PSRC1: variants seen among roughly 807,000 people sequenced by gnomAD.
The protein encoded by PSRC1 is proline and serine rich coiled-coil 1, also known as proline/serine-rich coiled-coil protein 1.
PSRC1 carries 30 observed loss-of-function variants against 31.9 expected under a neutral mutation model. The ratio of observed to expected loss-of-function variants is 0.94; its 90% CI spans 0.70 to 1.28. The LOEUF is 1.28. PSRC1 is among the 50% of genes most tolerant of loss of function. The probability of loss-of-function intolerance (pLI) is 0.00; values close to 1 mark genes in which losing one functional copy is unlikely to be tolerated. For synonymous variants in PSRC1, 191 were observed against 192.1 expected (o/e 0.99, Z 0.05); for missense variants, 481 against 472.8 (o/e 1.02, Z -0.16).
exon 4 of PSRC1, chr1:109,281,798 G>T (rs141272790): frequency 3.9e-5 from 63 of 1,613,994 alleles, no homozygotes; most frequent in Non-Finnish European, 4.8e-5. Context: ...AAGGTCTCCC[G>T]CCGAGGACTG....
chr1:109,280,060 A>G, exon 7 of PSRC1: 1 of 1,556,352 alleles, frequency 6.4e-7, no homozygotes, highest in Non-Finnish European at 8.9e-7. Context: ...CTGGGCCAGA[A>G]TCTGCTGGAG....
chr1:109,280,772 C>G lies in PSRC1; in HGVS notation c.994+5G>C. The G allele has an allele frequency of 8.3e-6, 13 of 1,558,962 alleles. No individual in the cohort carries two copies. The highest frequency in any genetic ancestry group is 1.1e-5 in the Non-Finnish European group (13 of 1,146,984). ...GGGCGGGCATTCTTCCTCCTGACCTCTTACCCTTGTGTCCACTTTCCCGCA... is the reference window on the plus strand; with the variant it reads ...GGGCGGGCATTCTTCCTCCTGACCTGTTACCCTTGTGTCCACTTTCCCGCA... On this transcript the variant is annotated splice_donor_5th_base_variant and intron_variant, in intron 5 of 6. Coordinates refer to ENST00000409138, the Ensembl canonical transcript of PSRC1.
intron 6 of PSRC1, 73 bp downstream of exon 7, chr1:109,280,323 G>T: frequency 6.9e-7 from 1 of 1,445,906 alleles, no homozygotes; most frequent in Non-Finnish European, 9.6e-7. Context: ...CAGGGCTGAT[G>T]TGCATAACAG....
chr1:109,281,579 ATGTC>A (rs1301748040), intron 4 of PSRC1, 36 bp downstream of exon 4: 3 of 1,531,520 alleles, frequency 2.0e-6, no homozygotes, highest in Admixed American at 1.7e-5. Flanking sequence ...GGCACACACC[ATGTC>A]TGGGGCACAC....
exon 4 of PSRC1, chr1:109,281,923 T>C: frequency 6.2e-7 from 1 of 1,604,622 alleles, no homozygotes; most frequent in Non-Finnish European, 8.5e-7. Context: ...CTCCAGCTTC[T>C]CTGGACTGAG....
At chr1:109,282,987 T>G (rs1034754148) in intron 1 of PSRC1, 76 bp downstream of exon 1, 1 of 541,978 alleles carries the variant, frequency 1.8e-6, no homozygotes, top group Non-Finnish European at 3.3e-6. Flanking sequence ...CCCATCTTCC[T>G]CCCCGCCACT....
Position 109,281,896 on chromosome 1 carries a change from GC to G in PSRC1, c.241del (p.Ala81ProfsTer28). 6.2e-7 allele frequency: 1 copy of G among 1,611,134 alleles called. No homozygotes were observed. The highest frequency in any genetic ancestry group is 8.5e-7 in the Non-Finnish European group (1 of 1,178,180). ...CTCCAGCTGAGCGGCCAGCCGGTTG[GC>G]CTCATCGAGGATCTCCTCCAGCTTC... On this transcript the variant is annotated frameshift_variant, in exon 4 of 7. Transcript: ENST00000409138. LOFTEE classifies it high-confidence loss of function.
In PSRC1 at chr1:109,280,929, G is replaced by A. The variant is rs145365921; in HGVS notation, c.842C>T (p.Ser281Leu). Reference sequence around the variant, plus strand: ...TCGGCTGGCAGGCCTGGGGATGGCCGAGGGAATGGGCAGTTGACTGGAAGA... The same window carrying A: ...TCGGCTGGCAGGCCTGGGGATGGCCAAGGGAATGGGCAGTTGACTGGAAGA... Residue 281 changes from serine to leucine, a missense_variant, in exon 5 of 7, where the codon TCG (serine) becomes TTG (leucine). Transcript: ENST00000409138. The A allele has an allele frequency of 6.3e-5, 102 of 1,613,884 alleles. No homozygotes were observed. Among genetic ancestry groups the A allele is most frequent in the Middle Eastern group, 1.6e-4 (1 of 6,082 alleles).
chr1:109,282,090 C>T, intron 3 of PSRC1, 30 bp from the exon 4 acceptor site: 1 of 1,458,218 alleles, frequency 6.9e-7, no homozygotes, highest in Non-Finnish European at 9.1e-7. Flanking sequence ...AGGCATCATG[C>T]CCATGCAAAA....
chr1:109,282,497 G>A (rs372779094), intron 3 of PSRC1, 21 bp downstream of exon 3: 155 of 1,608,268 alleles, frequency 9.6e-5, no homozygotes, highest in Non-Finnish European at 1.2e-4. Flanking sequence ...AGGAAAATAA[G>A]TGGGATAAAG....
At chr1:109,281,851 C>A (rs35471088) in exon 4 of PSRC1, 1 of 1,613,860 alleles carries the variant, frequency 6.2e-7, no homozygotes, top group Non-Finnish European at 8.5e-7. Flanking sequence ...TGCGCTCTCC[C>A]GATCCTGCAG....
In PSRC1 at chr1:109,282,079, C is replaced by T. The variant is rs1179729246; in HGVS notation, c.78-19G>A. On this transcript the variant is annotated intron_variant, in intron 3 of 6. Coordinates refer to ENST00000409138, the Ensembl canonical transcript of PSRC1. The stretch of plus-strand genomic sequence containing the variant: ...CTCACGGCTGAGACAGGAAACAAAC[C>T]AGGCATCATGCCCATGCAAAAGGGA... 1 of 1,471,228 alleles carries T rather than the reference C, an allele frequency of 6.8e-7. No homozygotes were observed. 91.1% of individuals were successfully genotyped at this position (1,471,228 alleles called of 1,614,324 possible).
At chr1:109,281,670 T>G in exon 4 of PSRC1, 1 of 1,614,088 alleles carries the variant, frequency 6.2e-7, no homozygotes, top group East Asian at 2.2e-5. Context: ...GAGCCCTGAC[T>G]GACCCCTTCC....
At chr1:109,281,341 T>G in intron 4 of PSRC1, 90 bp from the exon 5 acceptor site, 1 of 1,156,824 alleles carries the variant, frequency 8.6e-7, no homozygotes. Context: ...GGTGGAGAGT[T>G]GTCTACATCC....
chr1:109,280,669 C>T lies in PSRC1; in HGVS notation c.994+108G>A, dbSNP rs543600517. The T allele has an allele frequency of 1.0e-3, 1,060 of 1,041,078 alleles. 3 individuals carry two copies. The highest frequency in any genetic ancestry group is 1.3e-3 in the Non-Finnish European group (906 of 722,866). The allele number at this position is 1,041,078 out of a possible 1,614,324, so 64.5% of individuals were successfully genotyped here. A position where few individuals can be genotyped will look rare whatever the true frequency, so the allele number is the denominator to read the frequency against. ...CCTCTCTGTAACTCAGTCTCCCCAT[C>T]TTCCAATTGAATTGCAATAAGGATG... On this transcript the variant is annotated intron_variant, in intron 5 of 6. Coordinates refer to ENST00000409138, the Ensembl canonical transcript of PSRC1.
At chr1:109,281,081 T>A (rs1316504324) in exon 5 of PSRC1, 1 of 1,613,246 alleles carries the variant, frequency 6.2e-7, no homozygotes, top group Admixed American at 1.7e-5. Flanking sequence ...TCAGGGTCAA[T>A]CCCACAAACT....
At chr1:109,279,940 C>G in exon 7 of PSRC1, 1 of 658,596 alleles carries the variant, frequency 1.5e-6, no homozygotes, top group South Asian at 1.9e-5. Flanking sequence ...CCCTAATCTT[C>G]TTTCAACCCA....
intron 4 of PSRC1, 48 bp downstream of exon 4, chr1:109,281,571 C>A (rs778626228): frequency 2.0e-6 from 3 of 1,484,810 alleles, no homozygotes; most frequent in Non-Finnish European, 1.9e-6. Context: ...TGCATCATGG[C>A]ACACACCATG....
chr1:109,281,247 G>A, exon 5 of PSRC1: 1 of 1,592,918 alleles, frequency 6.3e-7, no homozygotes, highest in Non-Finnish European at 8.6e-7. Context: ...GCAAGTGGGT[G>A]ACTCCTGAAA....
Sources: allele counts gnomAD v4.1 joint callset, GRCh38; gene constraint gnomAD v4.1.1; transcripts MANE v1.5; gene names NCBI Gene and HGNC (gene_info 2026-07-23, HGNC 2026-07-21).